The following RPIA variants were observed in gnomAD, a reference collection of about 807,000 sequenced individuals.
RPIA encodes ribose-5-phosphate isomerase.
A neutral mutation model predicts 37.8 loss-of-function variants in RPIA; 29 were observed. The observed-to-expected ratio is 0.77, with a 90% CI of 0.57 to 1.05. RPIA has a LOEUF of 1.05. RPIA is among the 50% of genes least tolerant of loss of function. The pLI, the probability that RPIA is intolerant of heterozygous loss-of-function variation, is 0.00. For missense variants in RPIA, 385 were observed against 413.6 expected, an observed-to-expected ratio of 0.93 and a Z score of 0.60; for synonymous variants, 167 against 157.0, an observed-to-expected ratio of 1.06 and a Z score of -0.48.
rs778188429 is a variant in RPIA at position 88,700,077 on chromosome 2, T to G, written c.402+13T>G. 1.2e-6 allele frequency: 2 copies of G among 1,613,608 alleles called. No homozygotes were observed. The highest frequency in any genetic ancestry group is 1.7e-6 in the Non-Finnish European group (2 of 1,179,604). On this transcript the variant is annotated intron_variant, in intron 3 of 8. Coordinates refer to ENST00000283646, the MANE Select transcript of RPIA (RefSeq NM_144563.3). Reference sequence around the variant, plus strand: ...CACTTCCTTCCAGGTATGTCCTGCTTTCCATCTGCATCGTGACAGCTTCTG... The same window carrying G: ...CACTTCCTTCCAGGTATGTCCTGCTGTCCATCTGCATCGTGACAGCTTCTG...
intron 3 of RPIA, among the ~76,000 whole-genome samples, 186 bp from the exon 4 acceptor site, chr2:88,729,092 C>A (rs1225783965): frequency 6.6e-6 from 1 of 152,184 alleles, no homozygotes; most frequent in African/African-American, 2.4e-5. Context: ...TTTCCCAGCT[C>A]CCAGGTTGAA....
intron 3 of RPIA, among the ~76,000 whole-genome samples, chr2:88,714,668 A>T (rs1260937280): frequency 6.6e-6 from 1 of 152,162 alleles, no homozygotes; most frequent in African/African-American, 2.4e-5. Context: ...ATGGCCTGGG[A>T]GTCAAGTAGG....
intron 1 of RPIA, among the ~76,000 whole-genome samples, chr2:88,692,535 G>A (rs1400316096): frequency 6.6e-6 from 1 of 152,186 alleles, no homozygotes; most frequent in Non-Finnish European, 1.5e-5. Flanking sequence ...ACTAAGTCTG[G>A]AGGATGCTGG....
chr2:88,700,826 A>G (rs901368908), intron 3 of RPIA, among the ~76,000 whole-genome samples: 1 of 152,212 alleles, frequency 6.6e-6, no homozygotes, highest in African/African-American at 2.4e-5. Context: ...AGATGGAGCC[A>G]ATTGTCATCC....
chr2:88,735,632 TG>T (rs776482423), intron 5 of RPIA, 36 bp from the exon 6 acceptor site: 2 of 1,601,074 alleles, frequency 1.2e-6, no homozygotes, highest in Admixed American at 3.3e-5. Context: ...CTGAGATTTT[TG>T]TCTTACTCCT....
At chr2:88,709,265 G>A (rs183968532) in intron 3 of RPIA, among the ~76,000 whole-genome samples, 313 of 152,304 alleles carry the variant, frequency 2.1e-3, no homozygotes, top group Non-Finnish European at 3.8e-3. Flanking sequence ...TTCCTCCTGC[G>A]TGTGCTATGA....
intron 5 of RPIA, among the ~76,000 whole-genome samples, chr2:88,735,398 T>C (rs1673303207): frequency 6.6e-6 from 1 of 152,190 alleles, no homozygotes; most frequent in Admixed American, 6.5e-5. Flanking sequence ...CTGAACACAA[T>C]GCTCCCTCTC....
At chr2:88,717,876 A>G (rs1673055694) in intron 3 of RPIA, among the ~76,000 whole-genome samples, 1 of 152,202 alleles carries the variant, frequency 6.6e-6, no homozygotes, top group Non-Finnish European at 1.5e-5. Flanking sequence ...GAGAAAAGCA[A>G]CAACAAACAA....
At chr2:88,698,213 T>C (rs1321779692) in intron 1 of RPIA, among the ~76,000 whole-genome samples, 2 of 152,100 alleles carry the variant, frequency 1.3e-5, no homozygotes, top group African/African-American at 4.8e-5. Flanking sequence ...GCACCAATTA[T>C]TTGGTAGAAT....
intron 3 of RPIA, among the ~76,000 whole-genome samples, chr2:88,713,120 A>ATATATATATATATATATTTTTT (rs1041923467): frequency 1.5e-5 from 1 of 65,292 alleles, no homozygotes; most frequent in African/African-American, 7.9e-5. Flanking sequence ...ATATATATAT[A>ATATATATATATATATATTTTTT]TTTTTTTTTT....
intron 1 of RPIA, among the ~76,000 whole-genome samples, chr2:88,697,531 G>A (rs1029108216): frequency 1.3e-5 from 2 of 152,124 alleles, no homozygotes; most frequent in Non-Finnish European, 2.9e-5. Context: ...ACTCAGCTGA[G>A]CTTTTACTCT....
intron 3 of RPIA, among the ~76,000 whole-genome samples, chr2:88,716,197 A>C (rs1442495734): frequency 6.6e-6 from 1 of 152,166 alleles, no homozygotes; most frequent in East Asian, 1.9e-4. Flanking sequence ...AGGACTCAAA[A>C]GAATGCAGTC....
At chr2:88,719,970 C>G (rs149598452) in intron 3 of RPIA, among the ~76,000 whole-genome samples, 1 of 152,128 alleles carries the variant, frequency 6.6e-6, no homozygotes, top group East Asian at 1.9e-4. Context: ...CTTACAATCT[C>G]ACACACCCAC....
chr2:88,729,686 T>A (rs1353508004), intron 4 of RPIA, among the ~76,000 whole-genome samples: 2 of 152,154 alleles, frequency 1.3e-5, no homozygotes, highest in Non-Finnish European at 2.9e-5. Flanking sequence ...TAAGGAAGAA[T>A]CATCTGAGGC....
At chr2:88,734,812 G>A (rs1480999584) in intron 5 of RPIA, among the ~76,000 whole-genome samples, 196 bp downstream of exon 5, 1 of 152,144 alleles carries the variant, frequency 6.6e-6, no homozygotes, top group Non-Finnish European at 1.5e-5. Flanking sequence ...CAAGGAACCT[G>A]GGCCTCTTTA....
intron 3 of RPIA, among the ~76,000 whole-genome samples, chr2:88,718,063 T>TGTC (rs1327799250): frequency 6.6e-6 from 1 of 152,008 alleles, no homozygotes; most frequent in African/African-American, 2.4e-5. Flanking sequence ...TTTTGGTGAC[T>TGTC]CCAAATTCGG....
At position 88,699,993 on chromosome 2, in the gene RPIA, G is replaced by A; in HGVS notation, c.347-16G>A. ...AGGAGAGTGAAAAACTGCCAATATG[G>A]CTTTTGTTTCCACAGCTGAAAGGGT... On this transcript the variant is annotated splice_polypyrimidine_tract_variant and intron_variant, in intron 2 of 8. Transcript: ENST00000283646. The A allele has an allele frequency of 1.2e-6, 2 of 1,614,040 alleles. No homozygotes were observed. Among genetic ancestry groups the A allele is most frequent in the Non-Finnish European group, 1.7e-6 (2 of 1,179,898 alleles).
At chr2:88,722,650 C>T (rs1293693563) in intron 3 of RPIA, among the ~76,000 whole-genome samples, 1 of 152,226 alleles carries the variant, frequency 6.6e-6, no homozygotes, top group Non-Finnish European at 1.5e-5. Flanking sequence ...TGCCATTATA[C>T]ATGCCATGGT....
At position 88,700,074 on chromosome 2, in the gene RPIA, G is replaced by A. The variant is rs1359924725; in HGVS notation, c.402+10G>A. ...TCCCACTTCCTTCCAGGTATGTCCT[G>A]CTTTCCATCTGCATCGTGACAGCTT... On this transcript the variant is annotated intron_variant, in intron 3 of 8. Transcript: ENST00000283646. The A allele has an allele frequency of 6.2e-7, 1 of 1,613,710 alleles. No individual in the cohort carries two copies. The highest frequency in any genetic ancestry group is 8.5e-7 in the Non-Finnish European group (1 of 1,179,694).
Sources: gnomAD v4.1 joint callset for allele counts (sites outside exome capture counted in the v4.1 genomes callset) on GRCh38, gnomAD v4.1.1 for gene constraint, MANE v1.5 for transcripts, NCBI Gene and HGNC (gene_info 2026-07-23, HGNC 2026-07-21) for gene names.